DYNC2H1: variants seen among roughly 807,000 people sequenced by gnomAD.
The protein encoded by DYNC2H1 is dynein cytoplasmic 2 heavy chain 1, also known as cytoplasmic dynein 2 heavy chain 1.
In DYNC2H1, 410 loss-of-function variants were observed where a neutral mutation model predicts 570.0. That is an observed-to-expected ratio of 0.72 (90% CI 0.66 to 0.78). DYNC2H1 has a LOEUF of 0.78. Ranked by LOEUF, DYNC2H1 falls within the 30% of genes least tolerant of loss-of-function variation. DYNC2H1 has a pLI of 0.00. For synonymous variants in DYNC2H1, 1,688 were observed against 1,677.6 expected (o/e 1.01, Z -0.15); for missense variants, 4,865 against 5,046.4 (o/e 0.96, Z 1.09).
At chr11:103,125,326 T>G (rs1341825970) in intron 12 of DYNC2H1, 31 bp downstream of exon 12, 1 of 1,489,628 alleles carries the variant, frequency 6.7e-7, no homozygotes, top group Admixed American at 2.0e-5. Flanking sequence ...AATACCTGCC[T>G]ATTTGGAGTT....
Position 103,472,392 on chromosome 11 carries a change from T to C in DYNC2H1, c.12765+3687T>C, listed in dbSNP as rs1438293454. Among the ~76,000 whole-genome samples, 1 of 152,130 alleles carries C rather than the reference T, an allele frequency of 6.6e-6. No individual in the cohort carries two copies. The highest frequency in any genetic ancestry group is 1.5e-5 in the Non-Finnish European group (1 of 68,010). The stretch of plus-strand genomic sequence containing the variant: ...AAAAAAAGAATTAAAAAAATTTTTT[T>C]TAAAGAATTGAGAACAGGAGTATGG... On this transcript the variant is annotated intron_variant, in intron 88 of 88. Coordinates refer to ENST00000375735, the MANE Select transcript of DYNC2H1 (RefSeq NM_001377.3). The surrounding 1 kb of genome is among the most constrained non-coding windows in gnomAD (Gnocchi z 4.1).
rs185504817 is a variant in DYNC2H1, at chr11:103,320,240, C to A, written c.11726-789C>A. 6.3e-4 allele frequency among the ~76,000 whole-genome samples: 96 copies of A among 152,162 alleles called. 1 individual carries two copies. Among genetic ancestry groups the A allele is most frequent in the African/African-American group, 2.0e-3 (83 of 41,524 alleles). ...CCAACATGGTGAAATCCCGTCTCTA[C>A]TAAAAATACAAAAATTAGCGGCGTG... On this transcript the variant is annotated intron_variant, in intron 80 of 88. Transcript: ENST00000375735.
intron 73 of DYNC2H1, among the ~76,000 whole-genome samples, chr11:103,285,200 C>T (rs981904242): frequency 5.3e-5 from 8 of 152,262 alleles, no homozygotes; most frequent in African/African-American, 1.9e-4. Flanking sequence ...CAGTATAGTA[C>T]TGGGCTCAAT....
intron 81 of DYNC2H1, 32 bp from the exon 82 acceptor site, chr11:103,323,853 TA>T: frequency 1.3e-6 from 2 of 1,532,730 alleles, no homozygotes; most frequent in Non-Finnish European, 1.8e-6. Context: ...CTTTATTTTT[TA>T]AAAAAACTGT....
chr11:103,393,029 G>A (rs183468854), intron 83 of DYNC2H1, among the ~76,000 whole-genome samples: 13 of 152,140 alleles, frequency 8.5e-5, no homozygotes, highest in African/African-American at 2.7e-4. Flanking sequence ...GATTACAGGT[G>A]TGCACCACCA....
Position 103,256,034 on chromosome 11 carries a change from T to A in DYNC2H1, c.10327-72T>A. 2 of 1,317,620 alleles carry A rather than the reference T, an allele frequency of 1.5e-6. No individual in the cohort carries two copies. Among genetic ancestry groups the A allele is most frequent in the Non-Finnish European group, 2.1e-6 (2 of 974,116 alleles). 81.6% of individuals were successfully genotyped at this position (1,317,620 alleles called of 1,614,324 possible). ...GCCATAAACATCAAATGAATGACAG[T>A]TAATATGGGTTTGCTTTAATTGGTT... On this transcript the variant is annotated intron_variant, in intron 67 of 88. Transcript: ENST00000375735. This position sits in a 1 kb window ranked among gnomAD's most constrained non-coding sequence, Gnocchi z 4.0.
intron 84 of DYNC2H1, among the ~76,000 whole-genome samples, chr11:103,420,241 C>T (rs920585865): frequency 6.6e-6 from 1 of 152,076 alleles, no homozygotes. Context: ...TCCAGGAGAA[C>T]TTCCCCAACC....
intron 30 of DYNC2H1, among the ~76,000 whole-genome samples, chr11:103,165,465 G>A (rs1027495842): frequency 2.0e-5 from 3 of 152,126 alleles, no homozygotes; most frequent in Admixed American, 1.3e-4. Flanking sequence ...CTGGAATTTT[G>A]CTATCGTAGA....
At chr11:103,392,514 C>T (rs781167984) in intron 83 of DYNC2H1, among the ~76,000 whole-genome samples, 13 of 152,160 alleles carry the variant, frequency 8.5e-5, no homozygotes, top group Non-Finnish European at 1.8e-4. Flanking sequence ...TCCGACAATC[C>T]GCAGTGAGAT....
At chr11:103,390,651 A>C (rs1942103966) in intron 83 of DYNC2H1, among the ~76,000 whole-genome samples, 1 of 152,008 alleles carries the variant, frequency 6.6e-6, no homozygotes, top group Non-Finnish European at 1.5e-5. Context: ...GTTCCTTTCC[A>C]TGTTGAGTGC....
rs1863052848 is a variant in DYNC2H1 at position 103,209,185 on chromosome 11, G to A, written c.8455-691G>A. Among the ~76,000 whole-genome samples, 1 of 151,760 alleles carries A rather than the reference G, an allele frequency of 6.6e-6. No individual in the cohort carries two copies. The highest frequency in any genetic ancestry group is 1.5e-5 in the Non-Finnish European group (1 of 67,934). On this transcript the variant is annotated intron_variant, in intron 52 of 88. Coordinates refer to ENST00000375735, the MANE Select transcript of DYNC2H1 (RefSeq NM_001377.3). The surrounding 1 kb of genome is among the most constrained non-coding windows in gnomAD (Gnocchi z 4.2). Reference sequence around the variant, plus strand: ...AGATCACTTGTGTTTTCTTCTTGCTGGTAACTTCAGCTCTATCAGGTGAAA... The same window carrying A: ...AGATCACTTGTGTTTTCTTCTTGCTAGTAACTTCAGCTCTATCAGGTGAAA...
At chr11:103,155,144 T>G (rs1008172577) in intron 24 of DYNC2H1, among the ~76,000 whole-genome samples, 187 bp from the exon 25 acceptor site, 6 of 152,080 alleles carry the variant, frequency 3.9e-5, no homozygotes, top group African/African-American at 1.2e-4. Context: ...TGTGTGTCCA[T>G]GGCAACATTT....
chr11:103,140,409 G>T (rs1006410264), intron 17 of DYNC2H1, among the ~76,000 whole-genome samples: 1 of 151,924 alleles, frequency 6.6e-6, no homozygotes, highest in Non-Finnish European at 1.5e-5. Flanking sequence ...CAGGCCTGGT[G>T]GTGACAAAAT....
rs1448453780 is a variant in DYNC2H1 at position 103,261,739 on chromosome 11, G to T, written c.10695+1762G>T. On this transcript the variant is annotated intron_variant, in intron 70 of 88. Coordinates refer to ENST00000375735, the MANE Select transcript of DYNC2H1 (RefSeq NM_001377.3). This position sits in a 1 kb window ranked among gnomAD's most constrained non-coding sequence, Gnocchi z 4.8. ...AAGGTAGATAAATCCACGAAGATGAGGAAAAACCAGCGCAAAAAGACTGAA... is the reference window on the plus strand; with the variant it reads ...AAGGTAGATAAATCCACGAAGATGATGAAAAACCAGCGCAAAAAGACTGAA... Among the ~76,000 whole-genome samples the T allele has an allele frequency of 6.6e-6, 1 of 152,180 alleles. No individual in the cohort carries two copies. The highest frequency in any genetic ancestry group is 6.5e-5 in the Admixed American group (1 of 15,268).
intron 75 of DYNC2H1, among the ~76,000 whole-genome samples, chr11:103,300,668 G>T (rs1867009759): frequency 6.6e-6 from 1 of 151,850 alleles, no homozygotes; most frequent in African/African-American, 2.4e-5. Flanking sequence ...TGTGTAAAAT[G>T]AATTAATGGA....
At chr11:103,464,407 C>A (rs533985813) in intron 87 of DYNC2H1, among the ~76,000 whole-genome samples, 1 of 152,124 alleles carries the variant, frequency 6.6e-6, no homozygotes, top group South Asian at 2.1e-4. Flanking sequence ...AAAAGGATTT[C>A]TAGAAGTATA....
intron 30 of DYNC2H1, among the ~76,000 whole-genome samples, chr11:103,165,029 A>G (rs1331425435): frequency 6.6e-6 from 1 of 152,204 alleles, no homozygotes; most frequent in Admixed American, 6.5e-5. Flanking sequence ...GAAACTGATG[A>G]GTTTCATACC....
intron 87 of DYNC2H1, among the ~76,000 whole-genome samples, chr11:103,459,812 C>T (rs1311482588): frequency 6.6e-6 from 1 of 150,952 alleles, no homozygotes; most frequent in East Asian, 2.0e-4. Flanking sequence ...ATTAGCCGGG[C>T]GCGGTGGCGG....
At chr11:103,111,690 C>G (rs1858122979) in intron 1 of DYNC2H1, among the ~76,000 whole-genome samples, 1 of 147,374 alleles carries the variant, frequency 6.8e-6, no homozygotes, top group Non-Finnish European at 1.5e-5. Context: ...GAAGGTAGAA[C>G]TTTTTTTTTT....
Sources: gnomAD v4.1 joint callset for allele counts (sites outside exome capture counted in the v4.1 genomes callset) on GRCh38, gnomAD v4.1.1 for gene constraint, Gnocchi (gnomAD v3.1) non-coding constraint, MANE v1.5 for transcripts, NCBI Gene and HGNC (gene_info 2026-07-23, HGNC 2026-07-21) for gene names.